ATP8A2: variants seen among roughly 807,000 people sequenced by gnomAD.
ATP8A2 encodes the protein phospholipid-transporting ATPase IB.
ATP8A2 carries 100 observed loss-of-function variants against 165.6 expected under a neutral mutation model. The observed-to-expected ratio is 0.60, with a 90% CI of 0.51 to 0.71. The LOEUF is 0.71. Ranked by LOEUF, ATP8A2 falls within the 30% of genes least tolerant of loss-of-function variation. The probability of loss-of-function intolerance (pLI) is 0.00; values close to 1 mark genes in which losing one functional copy is unlikely to be tolerated. For synonymous variants in ATP8A2, 543 were observed against 548.8 expected (o/e 0.99, Z 0.15); for missense variants, 1,227 against 1,479.5 (o/e 0.83, Z 2.80).
At chr13:25,640,224 G>A (rs1257733476) in intron 24 of ATP8A2, among the ~76,000 whole-genome samples, 6 of 152,128 alleles carry the variant, frequency 3.9e-5, no homozygotes, top group Admixed American at 2.0e-4. Flanking sequence ...ACATTCAAAA[G>A]CTAGCAGAAG....
chr13:25,716,622 A>G (rs2043261133), intron 25 of ATP8A2, among the ~76,000 whole-genome samples: 1 of 152,220 alleles, frequency 6.6e-6, no homozygotes, highest in Non-Finnish European at 1.5e-5. Context: ...TTTTTAAAAG[A>G]TCACTGTCAG....
Position 25,476,216 on chromosome 13 carries a change from G to A in ATP8A2, c.221+7095G>A, listed in dbSNP as rs149459472. ...TTTTAATGCTGCAGAATTTATGTAG[G>A]ATCTGGTCTTAATGCACAAGCTGCT... On this transcript the variant is annotated intron_variant, in intron 2 of 36. Transcript: ENST00000381655. Among the ~76,000 whole-genome samples the A allele has an allele frequency of 5.5e-3, 842 of 152,128 alleles. 27 individuals are homozygous for A. The highest frequency in any genetic ancestry group is 0.049 in the Admixed American group (748 of 15,266).
Position 25,438,854 on chromosome 13 carries a change from C to T in ATP8A2, c.77-30123C>T, listed in dbSNP as rs908712112. On this transcript the variant is annotated intron_variant, in intron 1 of 36. Transcript: ENST00000381655. ...TTTTACCCCATATGCCTATGTGACA[C>T]GGTGTGTCATAAATGAAAATAAATG... is the stretch of plus-strand genomic sequence containing the variant. Among the ~76,000 whole-genome samples the T allele has an allele frequency of 3.3e-5, 5 of 151,994 alleles. No homozygotes were observed. In the South Asian group the frequency reaches 6.2e-4, roughly 19 times the overall value.
chr13:25,687,875 C>A (rs1055365249), intron 24 of ATP8A2, among the ~76,000 whole-genome samples: 1 of 152,172 alleles, frequency 6.6e-6, no homozygotes, highest in African/African-American at 2.4e-5. Context: ...GTCCATCTTC[C>A]ATACTGTGGT....
rs1446317324 is a variant in ATP8A2, at chr13:25,728,425, G to A, written c.2384+29080G>A. On this transcript the variant is annotated intron_variant, in intron 25 of 36. Coordinates refer to ENST00000381655, the MANE Select transcript of ATP8A2 (RefSeq NM_016529.6). ...AATATTACCTGCTTAGAGAGTGGGG[G>A]TAACAGCAGGTGCAATGTCATGTCT... is the stretch of plus-strand genomic sequence containing the variant. Among the ~76,000 whole-genome samples the A allele has an allele frequency of 7.2e-5, 11 of 152,164 alleles. 1 individual carries two copies. Among genetic ancestry groups the A allele is most frequent in the Admixed American group, 7.2e-4 (11 of 15,270 alleles).
intron 33 of ATP8A2, among the ~76,000 whole-genome samples, chr13:25,958,318 C>A (rs1404758293): frequency 6.6e-5 from 10 of 151,362 alleles, no homozygotes; most frequent in African/African-American, 2.4e-4. Context: ...AAAAAATTAA[C>A]CTTTTCTAGT....
intron 24 of ATP8A2, among the ~76,000 whole-genome samples, chr13:25,633,838 T>C (rs1346555103): frequency 6.6e-6 from 1 of 151,998 alleles, no homozygotes; most frequent in Admixed American, 6.6e-5. Flanking sequence ...TAGCCAGGCA[T>C]AGTGGAATGT....
intron 33 of ATP8A2, among the ~76,000 whole-genome samples, chr13:25,954,086 C>T (rs1955455477): frequency 6.6e-6 from 1 of 152,170 alleles, no homozygotes; most frequent in African/African-American, 2.4e-5. Context: ...CGACGGAGCC[C>T]AACAAGCTAA....
At chr13:25,970,180 G>C (rs1288044014) in intron 35 of ATP8A2, among the ~76,000 whole-genome samples, 1 of 152,178 alleles carries the variant, frequency 6.6e-6, no homozygotes, top group African/African-American at 2.4e-5. Context: ...CACAATGATT[G>C]CTGAGGGGGC....
At chr13:25,432,987 G>T (rs955551605) in intron 1 of ATP8A2, among the ~76,000 whole-genome samples, 1 of 152,166 alleles carries the variant, frequency 6.6e-6, no homozygotes, top group African/African-American at 2.4e-5. Flanking sequence ...CTTCAGTGAG[G>T]CTCCTTATGT....
intron 33 of ATP8A2, among the ~76,000 whole-genome samples, chr13:25,887,765 A>T (rs965563050): frequency 6.6e-6 from 1 of 152,202 alleles, no homozygotes; most frequent in African/African-American, 2.4e-5. Flanking sequence ...CCTGTGAGCC[A>T]TTTAGCTTTT....
intron 24 of ATP8A2, among the ~76,000 whole-genome samples, chr13:25,616,107 C>T (rs184591493): frequency 8.6e-5 from 13 of 152,036 alleles, no homozygotes; most frequent in Non-Finnish European, 1.6e-4. Context: ...TAGATGCAGA[C>T]CAAAAAACCC....
At chr13:25,403,522 A>C (rs919246345) in intron 1 of ATP8A2, among the ~76,000 whole-genome samples, 1 of 152,168 alleles carries the variant, frequency 6.6e-6, no homozygotes. Context: ...TGAGTTGTGG[A>C]TCCTATCTCC....
rs114947817 is a variant in ATP8A2, at chr13:25,515,374, A to G, written c.222-14625A>G. ...ATGACACTCTTATTACAACTGCATT[A>G]TTATTTTAAAAATGGATTGACATAT... is the stretch of plus-strand genomic sequence containing the variant. On this transcript the variant is annotated intron_variant, in intron 2 of 36. Transcript: ENST00000381655. 9.8e-3 allele frequency among the ~76,000 whole-genome samples: 1,493 copies of G among 152,344 alleles called. 26 individuals are homozygous for G. The highest frequency in any genetic ancestry group is 0.034 in the African/African-American group (1,404 of 41,586).
chr13:25,797,249 CAA>C (rs1239682423), intron 27 of ATP8A2, among the ~76,000 whole-genome samples: 6 of 152,030 alleles, frequency 3.9e-5, no homozygotes, highest in Non-Finnish European at 7.4e-5. Flanking sequence ...GCCCGGGTGA[CAA>C]GAGCAAAACT....
chr13:25,456,860 T>A (rs1484000319), intron 1 of ATP8A2, among the ~76,000 whole-genome samples: 1 of 152,200 alleles, frequency 6.6e-6, no homozygotes, highest in Non-Finnish European at 1.5e-5. Context: ...TTCTTATACA[T>A]GTTCCTATCT....
Position 25,578,815 on chromosome 13 carries a change from G to A in ATP8A2, c.1783G>A (p.Asp595Asn), listed in dbSNP as rs771286370. ...GTCACAATGTTTCCCTATTTTATAG[G>A]ATAATGTGATTTTTGAGAGACTTTC... ...GRLRLYCKGA[D>N]NVIFERLSKD... Residue 595 changes from aspartate to asparagine, a missense_variant and splice_region_variant, in exon 21 of 37, where the codon GAT becomes AAT. Around this residue, in one of 5 missense-constraint regions of ATP8A2, gnomAD observed 592 missense variants for 785.6 expected, o/e 0.75. Coordinates refer to ENST00000381655, the MANE Select transcript of ATP8A2 (RefSeq NM_016529.6). The A allele has an allele frequency of 3.2e-6, 5 of 1,545,934 alleles. No individual in the cohort carries two copies. The highest frequency in any genetic ancestry group is 3.6e-6 in the Non-Finnish European group (4 of 1,117,990).
chr13:25,979,652 C>T (rs969312343), intron 35 of ATP8A2, among the ~76,000 whole-genome samples: 1 of 152,180 alleles, frequency 6.6e-6, no homozygotes, highest in African/African-American at 2.4e-5. Context: ...TATGTATCCA[C>T]GCAACAGACA....
At chr13:25,987,852 G>T (rs1197992222) in intron 35 of ATP8A2, among the ~76,000 whole-genome samples, 2 of 152,300 alleles carry the variant, frequency 1.3e-5, no homozygotes, top group East Asian at 3.9e-4. Flanking sequence ...GTTCCACAAA[G>T]AACTTTTTCC....
Sources: allele counts gnomAD v4.1 joint callset (sites outside exome capture counted in the v4.1 genomes callset), GRCh38; gene constraint gnomAD v4.1.1; regional missense constraint gnomAD v4.1.1; transcripts MANE v1.5; gene names NCBI Gene and HGNC (gene_info 2026-07-23, HGNC 2026-07-21).